The following ROBO2 variants were observed in gnomAD, a reference collection of about 807,000 sequenced individuals.
The protein encoded by ROBO2 is roundabout homolog 2.
A neutral mutation model predicts 160.8 loss-of-function variants in ROBO2; 53 were observed. The ratio of observed to expected loss-of-function variants is 0.33; its 90% confidence interval spans 0.26 to 0.41. The LOEUF is 0.41. Ranked by LOEUF, ROBO2 falls within the 10% of genes least tolerant of loss-of-function variation. The pLI, the probability that ROBO2 is intolerant of heterozygous loss-of-function variation, is 1.00. For missense variants in ROBO2, 1,577 were observed against 1,722.4 expected, an observed-to-expected ratio of 0.92 and a Z score of 1.49; for synonymous variants, 664 against 611.7, an observed-to-expected ratio of 1.09 and a Z score of -1.26.
rs115634702 is a variant in ROBO2 at position 76,524,719 on chromosome 3, A to G, written c.110-573295A>G. ...TGTAGACTGCCAGGCAATTGTTTTC[A>G]TTATTTATTAAATGTTGTTTCCCTC... On this transcript the variant is annotated intron_variant, in intron 2 of 26. Transcript: ENST00000487694. Among the ~76,000 whole-genome samples, 384 of 150,456 alleles carry G rather than the reference A, an allele frequency of 2.6e-3. 1 individual carries two copies. The highest frequency in any genetic ancestry group is 8.9e-3 in the African/African-American group (368 of 41,146).
chr3:75,997,104 T>TGTA (rs2065751027), intron 2 of ROBO2, among the ~76,000 whole-genome samples: 1 of 152,208 alleles, frequency 6.6e-6, no homozygotes, highest in Non-Finnish European at 1.5e-5. Context: ...AAAGATTCAA[T>TGTA]GTAGGAATCA....
At chr3:77,263,980 C>CTT (rs1432092867) in intron 2 of ROBO2, among the ~76,000 whole-genome samples, 2 of 152,136 alleles carry the variant, frequency 1.3e-5, no homozygotes, top group Non-Finnish European at 2.9e-5. Context: ...TAGAGTGGCA[C>CTT]TTGGTTCATA....
intron 2 of ROBO2, among the ~76,000 whole-genome samples, chr3:77,147,714 C>T (rs1477939109): frequency 6.6e-6 from 1 of 152,154 alleles, no homozygotes; most frequent in Non-Finnish European, 1.5e-5. Context: ...CTTAATATGA[C>T]ACTTTCTTCT....
In ROBO2 at chr3:76,389,074, G is replaced by GA. The variant is rs1286768444; in HGVS notation, c.109+451477dup. On this transcript the variant is annotated intron_variant, in intron 2 of 26. Transcript: ENST00000487694. Reference sequence around the variant, plus strand: ...TGCCCTGAAGTTAGAAAACACATTTGAAAAATGGAAGGACTTTTGCCTACA... The same window carrying GA: ...TGCCCTGAAGTTAGAAAACACATTTGAAAAAATGGAAGGACTTTTGCCTACA... 2.0e-5 allele frequency among the ~76,000 whole-genome samples: 3 copies of GA among 152,238 alleles called. No homozygotes were observed. In the South Asian group the frequency reaches 6.2e-4, roughly 32 times the overall value.
chr3:77,088,541 T>G (rs2149997992), intron 1 of ROBO2, among the ~76,000 whole-genome samples: 1 of 152,306 alleles, frequency 6.6e-6, no homozygotes, highest in Non-Finnish European at 1.5e-5. Flanking sequence ...ATTCTGATGC[T>G]ATCACTCCCC....
chr3:77,077,206 A>G (rs1310569018), intron 1 of ROBO2, among the ~76,000 whole-genome samples: 1 of 152,252 alleles, frequency 6.6e-6, no homozygotes, highest in African/African-American at 2.4e-5. Flanking sequence ...TCTGTAAAAC[A>G]GAAATCATTA....
rs139779085 is a variant in ROBO2, at chr3:76,126,092, G to A, written c.109+188490G>A. On this transcript the variant is annotated intron_variant, in intron 2 of 26. Coordinates refer to the ROBO2 transcript ENST00000487694. Reference sequence around the variant, plus strand: ...GCCTCCCAAAGTGCTGGGATTACAGGCGTGAGCCACTGCACCCAGCCTGCA... The same window carrying A: ...GCCTCCCAAAGTGCTGGGATTACAGACGTGAGCCACTGCACCCAGCCTGCA... Among the ~76,000 whole-genome samples the A allele has an allele frequency of 2.4e-3, 371 of 152,268 alleles. 1 individual carries two copies. The highest frequency in any genetic ancestry group is 7.4e-3 in the African/African-American group (309 of 41,558).
At chr3:76,841,054 A>G (rs6548456) in intron 2 of ROBO2, among the ~76,000 whole-genome samples, 19,459 of 152,082 alleles carry the variant, frequency 0.13, 1,393 homozygotes, top group East Asian at 0.24. Context: ...GGCGATACAC[A>G]AGGAAGCAGA....
intron 2 of ROBO2, among the ~76,000 whole-genome samples, chr3:76,711,052 A>G (rs1308973512): frequency 1.3e-5 from 2 of 152,194 alleles, no homozygotes; most frequent in Non-Finnish European, 2.9e-5. Context: ...TTTAAGATTT[A>G]TATTATTGCT....
chr3:76,887,072 A>G (rs2073949097), intron 2 of ROBO2, among the ~76,000 whole-genome samples: 1 of 152,112 alleles, frequency 6.6e-6, no homozygotes, highest in South Asian at 2.1e-4. Context: ...GATTTAAAGC[A>G]GTGTGTTTCT....
At chr3:77,161,534 A>G (rs2078485559) in intron 2 of ROBO2, among the ~76,000 whole-genome samples, 1 of 152,232 alleles carries the variant, frequency 6.6e-6, no homozygotes, top group African/African-American at 2.4e-5. Flanking sequence ...ATACTTTTGC[A>G]TAACCTGAAG....
At chr3:76,989,200 T>C (rs985429281) in intron 2 of ROBO2, among the ~76,000 whole-genome samples, 4 of 152,090 alleles carry the variant, frequency 2.6e-5, no homozygotes, top group African/African-American at 7.2e-5. Flanking sequence ...TAGACAGTAA[T>C]AGGAAATATT....
intron 2 of ROBO2, among the ~76,000 whole-genome samples, chr3:76,909,093 G>A (rs1577400259): frequency 6.6e-6 from 1 of 152,008 alleles, no homozygotes. Flanking sequence ...GCTTAGTGGC[G>A]CACACAGCCT....
At chr3:77,226,859 A>G (rs2086562592) in intron 2 of ROBO2, among the ~76,000 whole-genome samples, 1 of 152,162 alleles carries the variant, frequency 6.6e-6, no homozygotes, top group African/African-American at 2.4e-5. Context: ...CAGGTGCTCA[A>G]ATACAGTTGC....
chr3:76,666,439 A>G (rs1472471952), intron 2 of ROBO2, among the ~76,000 whole-genome samples: 1 of 152,166 alleles, frequency 6.6e-6, no homozygotes, highest in Admixed American at 6.6e-5. Flanking sequence ...TCAGCATGAC[A>G]TAGTTTCATT....
chr3:76,412,659 G>T (rs2075554337), intron 2 of ROBO2, among the ~76,000 whole-genome samples: 1 of 152,120 alleles, frequency 6.6e-6, no homozygotes, highest in Non-Finnish European at 1.5e-5. Context: ...ACGATCTCCT[G>T]TGACTCTAGG....
intron 2 of ROBO2, among the ~76,000 whole-genome samples, chr3:76,681,826 CACCAACTT>C (rs2106941028): frequency 6.6e-6 from 1 of 152,188 alleles, no homozygotes; most frequent in East Asian, 1.9e-4. Context: ...ATTACTGTTG[CACCAACTT>C]AATACAAGGA....
At chr3:77,563,308 C>G in exon 11 of ROBO2, 1 of 1,613,502 alleles carries the variant, frequency 6.2e-7, no homozygotes, top group Non-Finnish European at 8.5e-7. Flanking sequence ...CCAGCAAGTG[C>G]ATATATCATT....
chr3:76,189,849 A>G (rs1179367120), intron 2 of ROBO2, among the ~76,000 whole-genome samples: 3 of 152,024 alleles, frequency 2.0e-5, no homozygotes, highest in African/African-American at 4.8e-5. Flanking sequence ...TTTTGTTTCT[A>G]TATGCAGATG....
Sources: allele counts gnomAD v4.1 joint callset (sites outside exome capture counted in the v4.1 genomes callset), GRCh38; gene constraint gnomAD v4.1.1; transcripts MANE v1.5; gene names NCBI Gene and HGNC (gene_info 2026-07-23, HGNC 2026-07-21).